Variants in ANKS1B observed in about 807,000 individuals in gnomAD.
ANKS1B encodes the protein ankyrin repeat and sterile alpha motif domain-containing protein 1B.
A neutral mutation model predicts 148.3 loss-of-function variants in ANKS1B; 36 were observed. The observed-to-expected ratio is 0.24, with a 90% CI of 0.19 to 0.32. The LOEUF (loss-of-function observed/expected upper bound fraction) is 0.32. Ranked by LOEUF, ANKS1B falls within the 10% of genes least tolerant of loss-of-function variation. The pLI, the probability that ANKS1B is intolerant of heterozygous loss-of-function variation, is 1.00. For synonymous variants in ANKS1B, 542 were observed against 560.8 expected, an observed-to-expected ratio of 0.97 and a Z score of 0.47; for missense variants, 1,157 against 1,542.6, an observed-to-expected ratio of 0.75 and a Z score of 4.19.
intron 9 of ANKS1B, among the ~76,000 whole-genome samples, chr12:99,627,233 G>A (rs558640606): frequency 6.6e-6 from 1 of 152,166 alleles, no homozygotes; most frequent in South Asian, 2.1e-4. Context: ...ACACAATTGA[G>A]ATGTTCTTTA....
chr12:99,002,156 A>C (rs541086024), intron 17 of ANKS1B, among the ~76,000 whole-genome samples: 5 of 152,234 alleles, frequency 3.3e-5, no homozygotes, highest in Non-Finnish European at 7.4e-5. Context: ...TTTCCTTTGG[A>C]TATAGACCCA....
At chr12:99,053,003 G>T (rs1022445993) in intron 17 of ANKS1B, among the ~76,000 whole-genome samples, 154 bp downstream of exon 17, 1 of 152,044 alleles carries the variant, frequency 6.6e-6, no homozygotes, top group Non-Finnish European at 1.5e-5. Context: ...AACTTCAAAA[G>T]ACAATGACTC....
chr12:98,795,426 T>A (rs2098939051), intron 22 of ANKS1B, among the ~76,000 whole-genome samples: 1 of 152,194 alleles, frequency 6.6e-6, no homozygotes, highest in East Asian at 1.9e-4. Flanking sequence ...CTGAATAATC[T>A]TTGCCTGAAA....
At chr12:99,783,937 C>T (rs921559592) in intron 4 of ANKS1B, among the ~76,000 whole-genome samples, 9 of 152,134 alleles carry the variant, frequency 5.9e-5, no homozygotes, top group Middle Eastern at 3.4e-3. Context: ...GCTAATTACC[C>T]TATCATTATA....
intron 12 of ANKS1B, among the ~76,000 whole-genome samples, chr12:99,361,277 T>TA (rs76987586): frequency 0.13 from 19,218 of 151,862 alleles, 1,279 homozygotes; most frequent in African/African-American, 0.17. Context: ...ACATTAAAAA[T>TA]AAAAAAAATT....
intron 1 of ANKS1B, among the ~76,000 whole-genome samples, chr12:99,889,983 C>T (rs11110088): frequency 0.062 from 9,371 of 152,166 alleles, 325 homozygotes; most frequent in Middle Eastern, 0.15. Flanking sequence ...AGGCTGAGAA[C>T]TGTCATAGTT....
intron 8 of ANKS1B, among the ~76,000 whole-genome samples, chr12:99,748,403 C>G (rs1307057588): frequency 2.0e-5 from 3 of 148,862 alleles, no homozygotes; most frequent in Non-Finnish European, 4.5e-5. Flanking sequence ...GGCTTGAGAA[C>G]TATCTGAAGA....
At chr12:99,298,599 G>C (rs568971416) in intron 12 of ANKS1B, among the ~76,000 whole-genome samples, 2 of 152,058 alleles carry the variant, frequency 1.3e-5, no homozygotes, top group Non-Finnish European at 2.9e-5. Flanking sequence ...AAATATGCAT[G>C]TCCTTACTTT....
rs146320107 is a variant in ANKS1B at position 99,497,997 on chromosome 12, C to G, written c.1438+6479G>C. Among the ~76,000 whole-genome samples the G allele has an allele frequency of 4.3e-3, 658 of 152,274 alleles. 4 individuals are homozygous for G. Among genetic ancestry groups the G allele is most frequent in the African/African-American group, 0.015 (626 of 41,548 alleles). ...TGAATGCATTCCCTGAAGTACAATTCTCAAATTTCCTTGACCCCTTATTGT... is the reference window on the plus strand; with the variant it reads ...TGAATGCATTCCCTGAAGTACAATTGTCAAATTTCCTTGACCCCTTATTGT... On this transcript the variant is annotated intron_variant, in intron 10 of 26. Transcript: ENST00000683438.
At chr12:99,206,831 A>G (rs58162848) in intron 14 of ANKS1B, among the ~76,000 whole-genome samples, 10,244 of 152,224 alleles carry the variant, frequency 0.067, 1,151 homozygotes, top group African/African-American at 0.23. Context: ...TCTGGCATTT[A>G]GCTGGCTATT....
At chr12:99,540,244 G>C (rs187618206) in intron 9 of ANKS1B, among the ~76,000 whole-genome samples, 1 of 152,044 alleles carries the variant, frequency 6.6e-6, no homozygotes, top group Non-Finnish European at 1.5e-5. Context: ...TTTCAATAAT[G>C]AATAGAACAA....
At chr12:99,446,369 G>A (rs941612877) in intron 10 of ANKS1B, among the ~76,000 whole-genome samples, 1 of 152,102 alleles carries the variant, frequency 6.6e-6, no homozygotes, top group Non-Finnish European at 1.5e-5. Context: ...ATTGAAGACT[G>A]AGCAGGGAGT....
At chr12:99,060,254 C>T (rs1426034951) in intron 16 of ANKS1B, among the ~76,000 whole-genome samples, 3 of 151,898 alleles carry the variant, frequency 2.0e-5, no homozygotes, top group Non-Finnish European at 4.4e-5. Context: ...TGACTTTCCT[C>T]CAGGAGTTTT....
intron 14 of ANKS1B, among the ~76,000 whole-genome samples, chr12:99,155,712 C>T (rs1001987126): frequency 1.3e-5 from 2 of 152,180 alleles, no homozygotes; most frequent in African/African-American, 4.8e-5. Flanking sequence ...AAGAAACAGA[C>T]TCTTAAGATT....
chr12:99,981,885 G>C (rs1343492857), intron 1 of ANKS1B, among the ~76,000 whole-genome samples: 1 of 152,076 alleles, frequency 6.6e-6, no homozygotes, highest in East Asian at 1.9e-4. Context: ...AAATTTCAAA[G>C]TGTCATTATG....
intron 4 of ANKS1B, among the ~76,000 whole-genome samples, chr12:99,784,224 T>C (rs987174590): frequency 1.4e-5 from 2 of 146,024 alleles, no homozygotes; most frequent in African/African-American, 5.1e-5. Context: ...CAGGCTGGAG[T>C]GCAGTGGCAC....
chr12:99,061,849 T>C (rs527281720), intron 16 of ANKS1B, among the ~76,000 whole-genome samples: 1 of 152,216 alleles, frequency 6.6e-6, no homozygotes, highest in Non-Finnish European at 1.5e-5. Context: ...AGAAGCTTCA[T>C]TTCCTTTAAC....
At chr12:98,846,414 C>T (rs1034101417) in intron 17 of ANKS1B, among the ~76,000 whole-genome samples, 1 of 152,226 alleles carries the variant, frequency 6.6e-6, no homozygotes, top group Non-Finnish European at 1.5e-5. Flanking sequence ...CCTAGGCCAG[C>T]CATGGTTCAC....
intron 14 of ANKS1B, among the ~76,000 whole-genome samples, chr12:99,203,744 C>T (rs771641213): frequency 9.2e-5 from 14 of 152,182 alleles, no homozygotes; most frequent in Middle Eastern, 3.2e-3. Flanking sequence ...AGCCACTGCA[C>T]CCGGCCAAGA....
Sources: gnomAD v4.1 joint callset for allele counts (sites outside exome capture counted in the v4.1 genomes callset) on GRCh38, gnomAD v4.1.1 for gene constraint, MANE v1.5 for transcripts, NCBI Gene and HGNC (gene_info 2026-07-23, HGNC 2026-07-21) for gene names.